The following CNTLN variants were observed in gnomAD, a reference collection of about 807,000 sequenced individuals.
CNTLN encodes centlein.
A neutral mutation model predicts 180.0 loss-of-function variants in CNTLN; 212 were observed. The observed-to-expected ratio is 1.18, with a 90% CI of 1.05 to 1.32. The LOEUF (loss-of-function observed/expected upper bound fraction) is 1.32, where lower values mean the gene tolerates loss of function less well. CNTLN is among the 40% of genes most tolerant of loss of function. The probability of loss-of-function intolerance (pLI) is 0.00; values close to 1 mark genes in which losing one functional copy is unlikely to be tolerated. For synonymous variants in CNTLN, 722 were observed against 563.1 expected (o/e 1.28, Z -3.99); for missense variants, 2,095 against 1,610.9 (o/e 1.30, Z -5.14).
chr9:17,164,457 G>GTTTTC (rs1554646252), intron 2 of CNTLN, among the ~76,000 whole-genome samples: 9 of 68,456 alleles, frequency 1.3e-4, no homozygotes, highest in African/African-American at 3.6e-4. Flanking sequence ...TTATTTTTAT[G>GTTTTC]TTTTTTTTTT....
In CNTLN at chr9:17,330,716, A is replaced by C. The variant is rs539502626; in HGVS notation, c.1426A>C (p.Lys476Gln). The C allele has an allele frequency of 6.2e-7, 1 of 1,612,372 alleles. No individual in the cohort carries two copies. The highest frequency in any genetic ancestry group is 1.3e-5 in the African/African-American group (1 of 74,990). ...SEIEYLQEKL[K>Q]IANEKLSENI... ...AATTGAGTATTTACAGGAGAAACTA[A>C]AGATAGCAAATGAAAAACTGTCAGA... The change falls in exon 9 of 26, where the codon AAG (lysine) becomes CAG (glutamine). Residue 476 changes from lysine to glutamine, a missense_variant. Lys to Gln is a moderately conservative substitution (Grantham distance 53, BLOSUM62 1). Coordinates refer to ENST00000380647, the MANE Select transcript of CNTLN (RefSeq NM_017738.4).
At chr9:17,142,790 A>T (rs1818196353) in intron 1 of CNTLN, among the ~76,000 whole-genome samples, 2 of 152,236 alleles carry the variant, frequency 1.3e-5, no homozygotes, top group Admixed American at 1.3e-4. Flanking sequence ...GCCAAGGTTA[A>T]TAACAACTAA....
At chr9:17,141,441 G>A (rs1481012442) in intron 1 of CNTLN, among the ~76,000 whole-genome samples, 1 of 152,142 alleles carries the variant, frequency 6.6e-6, no homozygotes, top group Non-Finnish European at 1.5e-5. Context: ...GGATGATGCA[G>A]TATGTGCATT....
intron 18 of CNTLN, among the ~76,000 whole-genome samples, chr9:17,427,424 C>T (rs946200359): frequency 6.6e-6 from 1 of 151,750 alleles, no homozygotes; most frequent in African/African-American, 2.4e-5. Flanking sequence ...AAAAATTTAC[C>T]TGTATTTCCT....
intron 8 of CNTLN, among the ~76,000 whole-genome samples, chr9:17,323,885 G>A (rs1820089553): frequency 6.6e-6 from 1 of 152,184 alleles, no homozygotes; most frequent in South Asian, 2.1e-4. Flanking sequence ...CTCGGCTACA[G>A]TTTTGATAAT....
Position 17,299,040 on chromosome 9 carries a change from G to A in CNTLN, c.1146+688G>A, listed in dbSNP as rs187780498. 370 of 543,170 alleles carry A rather than the reference G, an allele frequency of 6.8e-4. 3 individuals are homozygous for A. In the African/African-American group the frequency reaches 7.3e-3, roughly 11 times the overall value. The allele number at this position is 543,170 out of a possible 1,614,324, so 33.6% of individuals were successfully genotyped here. A position where few individuals can be genotyped will look rare whatever the true frequency, so the allele number is the denominator to read the frequency against. On this transcript the variant is annotated intron_variant, in intron 7 of 25. Coordinates refer to ENST00000380647, the MANE Select transcript of CNTLN (RefSeq NM_017738.4). ...GGGCGAATCACAAGGTCAAGAGATCGAGACCATCCTGGCCAACATGATGAA... is the reference window on the plus strand; with the variant it reads ...GGGCGAATCACAAGGTCAAGAGATCAAGACCATCCTGGCCAACATGATGAA...
chr9:17,429,334 T>G (rs1367139497), intron 18 of CNTLN, among the ~76,000 whole-genome samples: 1 of 152,062 alleles, frequency 6.6e-6, no homozygotes, highest in African/African-American at 2.4e-5. Flanking sequence ...GAATTGTTAA[T>G]GGAAGCTATT....
chr9:17,409,528 C>A, intron 16 of CNTLN, 55 bp downstream of exon 16: 1 of 1,256,920 alleles, frequency 8.0e-7, no homozygotes, highest in Non-Finnish European at 1.1e-6. Flanking sequence ...TTATCTTATG[C>A]TTTATAACTT....
intron 2 of CNTLN, among the ~76,000 whole-genome samples, chr9:17,158,635 T>G (rs148553826): frequency 1.3e-5 from 2 of 152,066 alleles, no homozygotes; most frequent in African/African-American, 4.8e-5. Flanking sequence ...TCACATTTCT[T>G]CTAGGTTATC....
At chr9:17,191,160 T>C (rs760751517) in intron 2 of CNTLN, among the ~76,000 whole-genome samples, 8 of 152,232 alleles carry the variant, frequency 5.3e-5, no homozygotes, top group Admixed American at 1.3e-4. Flanking sequence ...TAATAGGATA[T>C]GTGAGCCTTT....
chr9:17,290,669 G>GGC lies in CNTLN; in HGVS notation c.984-7519_984-7518dup, dbSNP rs908739140. On this transcript the variant is annotated intron_variant, in intron 6 of 25. Transcript: ENST00000380647. ...TGCTAGCAATCAGCGAGACTCCGTGGGCGTAGGACCCTCCGAGCCAGGTGT... is the reference window on the plus strand; with the variant it reads ...TGCTAGCAATCAGCGAGACTCCGTGGGCGCGTAGGACCCTCCGAGCCAGGTGT... 6.5e-4 allele frequency among the ~76,000 whole-genome samples: 97 copies of GGC among 150,088 alleles called. 2 individuals carry two copies. Among genetic ancestry groups the GGC allele is most frequent in the East Asian group, 4.9e-3 (25 of 5,146 alleles).
chr9:17,411,799 C>A (rs967706791), intron 16 of CNTLN, among the ~76,000 whole-genome samples: 4 of 152,044 alleles, frequency 2.6e-5, no homozygotes, highest in African/African-American at 9.7e-5. Context: ...CCACTCCACC[C>A]CCTATCCATG....
intron 18 of CNTLN, among the ~76,000 whole-genome samples, chr9:17,440,845 C>G (rs1221711358): frequency 6.6e-6 from 1 of 152,026 alleles, no homozygotes; most frequent in East Asian, 1.9e-4. Context: ...AATAAAAGAC[C>G]ATATACAGTA....
rs1465582588 is a variant in CNTLN, at chr9:17,325,410, GTGTA to G, written c.1342-5216_1342-5213del. Among the ~76,000 whole-genome samples the G allele has an allele frequency of 2.6e-3, 329 of 126,752 alleles. 1 individual carries two copies. Among genetic ancestry groups the G allele is most frequent in the African/African-American group, 8.2e-3 (295 of 35,876 alleles). 83.2% of individuals were successfully genotyped at this position (126,752 alleles called of 152,430 possible). A position where few individuals can be genotyped will look rare whatever the true frequency, so the allele number is the denominator to read the frequency against. On this transcript the variant is annotated intron_variant, in intron 8 of 25. Coordinates refer to ENST00000380647, the MANE Select transcript of CNTLN (RefSeq NM_017738.4). ...TGTGTGTGTGTGTGTGTGTGTGTGT[GTGTA>G]TGTATACACAGACAATTATATACTC...
chr9:17,447,295 T>A (rs1401079887), intron 18 of CNTLN: 1 of 202,982 alleles, frequency 4.9e-6, no homozygotes, highest in Non-Finnish European at 1.1e-5. Flanking sequence ...GGCAGATACA[T>A]TCAGCCAGCT....
chr9:17,466,586 C>T, intron 22 of CNTLN, 120 bp from the exon 23 acceptor site: 2 of 742,560 alleles, frequency 2.7e-6, no homozygotes, highest in South Asian at 4.4e-5. Context: ...ATTAATTTTA[C>T]CCAAATAATA....
Position 17,267,481 on chromosome 9 carries a change from T to G in CNTLN, c.850-6252T>G, listed in dbSNP as rs555970360. ...CTGGCTGCCCTTAACATTTTTTCCT[T>G]CATTTCAACTTTGGTGAATCTGACA... On this transcript the variant is annotated intron_variant, in intron 5 of 25. Coordinates refer to ENST00000380647, the MANE Select transcript of CNTLN (RefSeq NM_017738.4). Among the ~76,000 whole-genome samples, 3 of 152,260 alleles carry G rather than the reference T, an allele frequency of 2.0e-5. No homozygotes were observed. The East Asian group carries it at 5.8e-4, about 29-fold the overall frequency.
chr9:17,323,800 A>T (rs1017899970), intron 8 of CNTLN, among the ~76,000 whole-genome samples: 3 of 152,198 alleles, frequency 2.0e-5, no homozygotes, highest in African/African-American at 7.2e-5. Context: ...TCTTGCTAAT[A>T]ATTTATCATC....
At chr9:17,411,313 A>G (rs1042939389) in intron 16 of CNTLN, among the ~76,000 whole-genome samples, 1 of 152,200 alleles carries the variant, frequency 6.6e-6, no homozygotes, top group African/African-American at 2.4e-5. Context: ...AAGACAGAAA[A>G]GCTTACACAG....
Sources: gnomAD v4.1 joint callset for allele counts (sites outside exome capture counted in the v4.1 genomes callset) on GRCh38, gnomAD v4.1.1 for gene constraint, MANE v1.5 for transcripts, NCBI Gene and HGNC (gene_info 2026-07-23, HGNC 2026-07-21) for gene names.